GALNT14: variants seen among roughly 807,000 people sequenced by gnomAD.
GALNT14 encodes UDP-GalNAc:polypeptide N-acetylgalactosaminyltransferase 14.
Under a neutral mutation model 77.5 loss-of-function variants are expected in GALNT14, and 60 were observed. The observed-to-expected ratio is 0.77, with a 90% CI of 0.63 to 0.96. The LOEUF (loss-of-function observed/expected upper bound fraction) is 0.96, where lower values mean the gene tolerates loss of function less well. Ranked by LOEUF, GALNT14 falls within the 40% of genes least tolerant of loss-of-function variation. The probability of loss-of-function intolerance (pLI) is 0.00; values close to 1 mark genes in which losing one functional copy is unlikely to be tolerated. For synonymous variants in GALNT14, 280 were observed against 281.7 expected, an observed-to-expected ratio of 0.99 and a Z score of 0.06; for missense variants, 710 against 731.0, an observed-to-expected ratio of 0.97 and a Z score of 0.33.
intron 2 of GALNT14, among the ~76,000 whole-genome samples, chr2:30,980,909 C>T (rs1241973041): frequency 3.9e-5 from 6 of 152,364 alleles, no homozygotes; most frequent in African/African-American, 1.4e-4. Context: ...TGGCAAAACC[C>T]CGTCTCTACT....
chr2:31,136,879 G>A (rs1423253866), intron 1 of GALNT14, among the ~76,000 whole-genome samples: 1 of 152,160 alleles, frequency 6.6e-6, no homozygotes. Flanking sequence ...GCACACAGTA[G>A]GCCCTCTGTA....
chr2:30,888,954 G>T, the GALNT14 span, among the ~76,000 whole-genome samples: 1 of 151,544 alleles, frequency 6.6e-6, no homozygotes, highest in Non-Finnish European at 1.5e-5. Context: ...TGAGTTCTGG[G>T]TGAGTCTTGT....
the GALNT14 span, among the ~76,000 whole-genome samples, chr2:30,899,178 A>G: frequency 2.0e-5 from 3 of 152,236 alleles, no homozygotes; most frequent in Non-Finnish European, 4.4e-5. Context: ...GCATCCTGCA[A>G]GATGAATGGA....
At chr2:30,985,375 G>C (rs1181828504) in intron 2 of GALNT14, among the ~76,000 whole-genome samples, 1 of 152,168 alleles carries the variant, frequency 6.6e-6, no homozygotes, top group African/African-American at 2.4e-5. Flanking sequence ...GGGCCTGCAG[G>C]CTCAGGATTC....
chr2:30,953,472 C>T (rs1027906842), intron 6 of GALNT14, among the ~76,000 whole-genome samples: 6 of 152,052 alleles, frequency 3.9e-5, no homozygotes, highest in Admixed American at 3.9e-4. Flanking sequence ...CCACACTCAG[C>T]TAATTTTTTA....
At chr2:30,942,676 T>C (rs1196669933) in intron 8 of GALNT14, among the ~76,000 whole-genome samples, 1 of 152,190 alleles carries the variant, frequency 6.6e-6, no homozygotes, top group Non-Finnish European at 1.5e-5. Flanking sequence ...AGCAGGGCTC[T>C]CTTGGGAGCT....
In GALNT14 at chr2:30,981,076, T is replaced by C. The variant is rs553602519; in HGVS notation, c.299+11762A>G. 2.6e-5 allele frequency among the ~76,000 whole-genome samples: 4 copies of C among 152,354 alleles called. No individual in the cohort carries two copies. In the East Asian group the frequency reaches 7.7e-4, roughly 29 times the overall value. Reference sequence around the variant, plus strand: ...ATACAAGGCATGAAGAGTCTTACTCTAAGGGCTTACTGCATGGTTCATCCT... The same window carrying C: ...ATACAAGGCATGAAGAGTCTTACTCCAAGGGCTTACTGCATGGTTCATCCT... On this transcript the variant is annotated intron_variant, in intron 2 of 14. Coordinates refer to ENST00000349752, the MANE Select transcript of GALNT14 (RefSeq NM_024572.4).
chr2:31,077,430 C>G (rs551371583), intron 1 of GALNT14, among the ~76,000 whole-genome samples: 63 of 152,190 alleles, frequency 4.1e-4, no homozygotes, highest in Non-Finnish European at 5.1e-4. Context: ...CTGTCTCCCT[C>G]TTTAAATTCT....
intron 9 of GALNT14, among the ~76,000 whole-genome samples, chr2:30,938,409 A>G (rs1666189482): frequency 7.2e-6 from 1 of 139,186 alleles, no homozygotes; most frequent in African/African-American, 2.9e-5. Context: ...CTCTCTCTCT[A>G]ACAGACTCCT....
At chr2:31,100,409 T>C (rs1323091425) in intron 1 of GALNT14, among the ~76,000 whole-genome samples, 3 of 152,232 alleles carry the variant, frequency 2.0e-5, no homozygotes, top group Admixed American at 1.3e-4. Context: ...GTTTACTAAT[T>C]ATTGCACATT....
At chr2:30,989,821 G>A (rs1224452181) in intron 2 of GALNT14, among the ~76,000 whole-genome samples, 1 of 151,022 alleles carries the variant, frequency 6.6e-6, no homozygotes, top group East Asian at 1.9e-4. Flanking sequence ...GTACAGAGAA[G>A]CTAGGCAACT....
chr2:30,971,982 G>A (rs912081496), intron 2 of GALNT14, among the ~76,000 whole-genome samples: 1 of 152,242 alleles, frequency 6.6e-6, no homozygotes, highest in East Asian at 1.9e-4. Context: ...TCCGTGGCTT[G>A]TCTGCCGGGG....
chr2:31,021,386 C>A (rs540619160), intron 1 of GALNT14, among the ~76,000 whole-genome samples: 28 of 150,946 alleles, frequency 1.9e-4, no homozygotes, highest in African/African-American at 6.6e-4. Context: ...CTCACTGCAA[C>A]CTCCGCCTCC....
intron 1 of GALNT14, among the ~76,000 whole-genome samples, chr2:31,122,878 C>T (rs1346095188): frequency 6.6e-6 from 1 of 152,164 alleles, no homozygotes; most frequent in East Asian, 1.9e-4. Context: ...TAAAGGAATT[C>T]GGCTCCAATA....
chr2:30,891,782 C>T, the GALNT14 span, among the ~76,000 whole-genome samples: 4 of 152,110 alleles, frequency 2.6e-5, no homozygotes, highest in African/African-American at 9.7e-5. Flanking sequence ...CTCAGCCTCT[C>T]CCCGAGAGAA....
Position 30,910,613 on chromosome 2 carries a change from A to T in GALNT14, c.*288T>A. The T allele has an allele frequency of 3.1e-6, 1 of 326,806 alleles. No individual in the cohort carries two copies. The allele number at this position is 326,806 out of a possible 1,614,324, so 20.2% of individuals were successfully genotyped here. A position where few individuals can be genotyped will look rare whatever the true frequency, so the allele number is the denominator to read the frequency against. ...TTCCTTTGTAGGAAAAGGAACAATA[A>T]ACACTTCCCATTAGGTTTCTGTCTC... On this transcript the variant is annotated 3_prime_UTR_variant, in exon 15 of 15. Coordinates refer to ENST00000349752, the MANE Select transcript of GALNT14 (RefSeq NM_024572.4).
chr2:31,057,428 C>T (rs867996135), intron 1 of GALNT14, among the ~76,000 whole-genome samples: 1 of 138,582 alleles, frequency 7.2e-6, no homozygotes. Context: ...TATATATATA[C>T]ACACACACAC....
intron 1 of GALNT14, among the ~76,000 whole-genome samples, chr2:31,088,278 A>G (rs1676555726): frequency 6.6e-6 from 1 of 152,216 alleles, no homozygotes; most frequent in African/African-American, 2.4e-5. Flanking sequence ...AGAAACAGAA[A>G]AAATGGGACA....
intron 1 of GALNT14, among the ~76,000 whole-genome samples, chr2:31,057,646 C>T (rs948725497): frequency 2.6e-5 from 4 of 152,036 alleles, no homozygotes; most frequent in African/African-American, 9.7e-5. Flanking sequence ...GTGGCAACTA[C>T]ACTCTATCTG....
Sources: gnomAD v4.1 joint callset for allele counts (sites outside exome capture counted in the v4.1 genomes callset) on GRCh38, gnomAD v4.1.1 for gene constraint, MANE v1.5 for transcripts, NCBI Gene and HGNC (gene_info 2026-07-23, HGNC 2026-07-21) for gene names.